Variants in DDR2 observed in about 807,000 individuals in gnomAD.
DDR2 encodes discoidin domain receptor tyrosine kinase 2.
A neutral mutation model predicts 94.9 loss-of-function variants in DDR2; 27 were observed. That is an observed-to-expected ratio of 0.28 (90% CI 0.21 to 0.39). The LOEUF (loss-of-function observed/expected upper bound fraction) is 0.39. Ranked by LOEUF, DDR2 falls within the 10% of genes least tolerant of loss-of-function variation. The pLI is 1.00. For synonymous variants in DDR2, 382 were observed against 377.2 expected, an observed-to-expected ratio of 1.01 and a Z score of -0.15; for missense variants, 783 against 1,076.0, an observed-to-expected ratio of 0.73 and a Z score of 3.81.
Position 162,755,723 on chromosome 1 carries a change from A to G in DDR2, c.625A>G (p.Ile209Val), listed in dbSNP as rs1282718270. ...GCAGTTTGTACTCCCTGGAGGTTCC[A>G]TCATTTATCTGAATGATTCTGTCTA... ...GQQFVLPGGS[I>V]IYLNDSVYDG... Residue 209 changes from isoleucine (I) to valine (V), a missense_variant, in exon 7 of 18, where the codon ATC (isoleucine) becomes GTC (valine). This residue lies in a region of DDR2 where 519 missense variants were observed against 647.9 expected (regional missense o/e 0.80). Coordinates refer to ENST00000367921, the MANE Select transcript of DDR2 (RefSeq NM_006182.4). The G allele has an allele frequency of 3.1e-6, 5 of 1,614,190 alleles. No individual in the cohort carries two copies. The highest frequency in any genetic ancestry group is 2.5e-6 in the Non-Finnish European group (3 of 1,180,016).
At chr1:162,687,034 G>A (rs1204309675) in intron 2 of DDR2, among the ~76,000 whole-genome samples, 2 of 152,194 alleles carry the variant, frequency 1.3e-5, no homozygotes, top group African/African-American at 2.4e-5. Context: ...GGCTCAGGAG[G>A]GCTCCTGACT....
chr1:162,772,375 A>G (rs975784423), intron 13 of DDR2, 128 bp downstream of exon 13: 6 of 1,014,892 alleles, frequency 5.9e-6, no homozygotes, highest in African/African-American at 3.2e-5. Context: ...CTCTCCTTGC[A>G]TTGTCCTCTG....
chr1:162,700,023 GTTTTCAAACAAAGCATCTGCAACTCTA>G (rs1337965419), intron 2 of DDR2, among the ~76,000 whole-genome samples: 20 of 152,158 alleles, frequency 1.3e-4, no homozygotes, highest in Admixed American at 2.0e-4. Flanking sequence ...CTGCAACTCT[GTTTTCAAACAAAGCATCTGCAACTCTA>G]TTTTCAAACA....
chr1:162,778,107 T>C (rs1312744802), intron 16 of DDR2: 5 of 231,542 alleles, frequency 2.2e-5, no homozygotes, highest in Non-Finnish European at 4.3e-5. Context: ...CAATGCATGC[T>C]ATTTACACCT....
chr1:162,727,363 TG>T (rs1661738976), intron 3 of DDR2, among the ~76,000 whole-genome samples: 1 of 143,524 alleles, frequency 7.0e-6, no homozygotes, highest in Admixed American at 7.0e-5. Flanking sequence ...AGTATATTTA[TG>T]TATGTATTTA....
intron 2 of DDR2, among the ~76,000 whole-genome samples, chr1:162,669,931 A>G (rs1231297752): frequency 6.6e-6 from 1 of 152,094 alleles, no homozygotes; most frequent in Non-Finnish European, 1.5e-5. Flanking sequence ...CACAAAGTGA[A>G]GGGCCCTGCT....
At chr1:162,754,986 A>AC (rs1663388176) in intron 5 of DDR2, 131 bp downstream of exon 5, 4 of 1,422,430 alleles carry the variant, frequency 2.8e-6, no homozygotes, top group Admixed American at 3.8e-5. Flanking sequence ...TAAATGTGTG[A>AC]CCCAGGGTGA....
At chr1:162,696,203 T>A (rs1660179092) in intron 2 of DDR2, among the ~76,000 whole-genome samples, 1 of 98,616 alleles carries the variant, frequency 1.0e-5, no homozygotes, top group Non-Finnish European at 2.5e-5. Flanking sequence ...CTTTTCCTTT[T>A]TTTTTTTTTT....
At chr1:162,700,070 A>G (rs540552070) in intron 2 of DDR2, among the ~76,000 whole-genome samples, 1 of 152,114 alleles carries the variant, frequency 6.6e-6, no homozygotes. Flanking sequence ...AAAGGTAGTT[A>G]CTCATGAGAG....
intron 1 of DDR2, among the ~76,000 whole-genome samples, chr1:162,644,016 G>T (rs1185328711): frequency 6.6e-6 from 1 of 152,172 alleles, no homozygotes; most frequent in Non-Finnish European, 1.5e-5. Flanking sequence ...TATGATGCCT[G>T]TGAAAACCCT....
intron 1 of DDR2, among the ~76,000 whole-genome samples, chr1:162,646,849 C>T (rs1011387210): frequency 6.6e-6 from 1 of 152,182 alleles, no homozygotes; most frequent in Non-Finnish European, 1.5e-5. Context: ...TTTAAAACAA[C>T]CTCCCTCAGG....
At chr1:162,737,049 T>C (rs914961878) in intron 3 of DDR2, among the ~76,000 whole-genome samples, 1 of 152,316 alleles carries the variant, frequency 6.6e-6, no homozygotes, top group Admixed American at 6.5e-5. Context: ...TTCCATGCTG[T>C]ATATGTACCA....
intron 2 of DDR2, among the ~76,000 whole-genome samples, chr1:162,655,857 A>G (rs1164189080): frequency 6.6e-6 from 1 of 152,176 alleles, no homozygotes; most frequent in African/African-American, 2.4e-5. Flanking sequence ...ACAATACTTA[A>G]TAGAAGCACT....
At chr1:162,667,010 A>G (rs1042724017) in intron 2 of DDR2, among the ~76,000 whole-genome samples, 1 of 151,506 alleles carries the variant, frequency 6.6e-6, no homozygotes, top group Non-Finnish European at 1.5e-5. Context: ...ATACACACAT[A>G]TCATTTTCAA....
intron 2 of DDR2, among the ~76,000 whole-genome samples, chr1:162,677,130 C>T (rs1189288668): frequency 1.3e-5 from 2 of 152,092 alleles, no homozygotes; most frequent in Non-Finnish European, 2.9e-5. Context: ...CAGGAGCACA[C>T]GAGGAAAAAC....
At chr1:162,658,095 C>T (rs1658097147) in intron 2 of DDR2, among the ~76,000 whole-genome samples, 1 of 152,194 alleles carries the variant, frequency 6.6e-6, no homozygotes. Context: ...GAAAAGCCTG[C>T]ATTTCCAATT....
In DDR2 at chr1:162,782,894, C is replaced by T. The variant is rs1045234829; in HGVS notation, c.*2648C>T. 1 of 152,100 alleles carries T rather than the reference C, an allele frequency of 6.6e-6. No individual in the cohort carries two copies. Among genetic ancestry groups the T allele is most frequent in the Non-Finnish European group, 1.5e-5 (1 of 68,026 alleles). 9.4% of individuals were successfully genotyped at this position (152,100 alleles called of 1,614,324 possible). On this transcript the variant is annotated 3_prime_UTR_variant, in exon 18 of 18. Transcript: ENST00000367921. ...TCCTTTTCTGGGATGAGGAAGGCTT[C>T]AACTTCTGGCACTGAGAACTTTGTA...
At chr1:162,702,030 C>A (rs866727029) in intron 2 of DDR2, among the ~76,000 whole-genome samples, 2 of 152,142 alleles carry the variant, frequency 1.3e-5, no homozygotes, top group South Asian at 4.1e-4. Context: ...AACTTTGCAT[C>A]CTGGAGATAC....
At chr1:162,780,029 T>A (rs2102210577) in intron 17 of DDR2, 83 bp from the exon 18 acceptor site, 1 of 1,598,902 alleles carries the variant, frequency 6.3e-7, no homozygotes, top group Admixed American at 1.7e-5. Context: ...CAAACCATGA[T>A]GCAAAGATAC....
Sources: allele counts gnomAD v4.1 joint callset (sites outside exome capture counted in the v4.1 genomes callset), GRCh38; gene constraint gnomAD v4.1.1; regional missense constraint gnomAD v4.1.1; transcripts MANE v1.5; gene names NCBI Gene and HGNC (gene_info 2026-07-23, HGNC 2026-07-21).